ZHX2: variants seen among roughly 807,000 people sequenced by gnomAD.
The protein encoded by ZHX2 is zinc fingers and homeoboxes protein 2.
ZHX2 carries 6 observed loss-of-function variants against 21.9 expected under a neutral mutation model. The ratio of observed to expected loss-of-function variants is 0.27; its 90% CI spans 0.15 to 0.54. The LOEUF (loss-of-function observed/expected upper bound fraction) is 0.54, where lower values mean the gene tolerates loss of function less well. Ranked by LOEUF, ZHX2 falls within the 20% of genes least tolerant of loss-of-function variation. The pLI, the probability that ZHX2 is intolerant of heterozygous loss-of-function variation, is 0.95. For synonymous variants in ZHX2, 434 were observed against 437.1 expected, an observed-to-expected ratio of 0.99 and a Z score of 0.09; for missense variants, 908 against 1,090.7, an observed-to-expected ratio of 0.83 and a Z score of 2.36.
intron 2 of ZHX2, among the ~76,000 whole-genome samples, chr8:122,919,007 C>G (rs1563583484): frequency 1.3e-5 from 2 of 152,106 alleles, no homozygotes; most frequent in South Asian, 4.1e-4. Context: ...TTGCCAACCC[C>G]TGTCCCAAAC....
At chr8:122,877,688 G>A (rs985138875) in intron 2 of ZHX2, among the ~76,000 whole-genome samples, 3 of 152,172 alleles carry the variant, frequency 2.0e-5, no homozygotes, top group Non-Finnish European at 2.9e-5. Flanking sequence ...GGCCTGTCCC[G>A]GGGAAGTGGC....
chr8:122,882,409 G>T (rs1218533884), intron 2 of ZHX2, among the ~76,000 whole-genome samples: 1 of 151,210 alleles, frequency 6.6e-6, no homozygotes, highest in Non-Finnish European at 1.5e-5. Context: ...GTGGTTCTTT[G>T]CCTCTACTCT....
chr8:122,914,093 G>A (rs753018737), intron 2 of ZHX2, among the ~76,000 whole-genome samples: 2 of 152,232 alleles, frequency 1.3e-5, no homozygotes, highest in Admixed American at 1.3e-4. Flanking sequence ...GGAACCCCAA[G>A]AGAAAAGATC....
chr8:122,928,164 C>G (rs116051265), intron 2 of ZHX2, among the ~76,000 whole-genome samples: 4,871 of 152,216 alleles, frequency 0.032, 242 homozygotes, highest in African/African-American at 0.11. Flanking sequence ...TTTATCTCCC[C>G]CACTCCCACC....
intron 2 of ZHX2, among the ~76,000 whole-genome samples, chr8:122,950,976 A>G (rs963202920): frequency 2.0e-5 from 3 of 152,134 alleles, no homozygotes; most frequent in African/African-American, 7.2e-5. Context: ...CAAGCACACC[A>G]TCTGCGACTC....
intron 2 of ZHX2, among the ~76,000 whole-genome samples, chr8:122,874,683 A>G (rs112739999): frequency 6.6e-6 from 1 of 152,178 alleles, no homozygotes; most frequent in Non-Finnish European, 1.5e-5. Flanking sequence ...CCATTTTACC[A>G]CTGAGAAAAC....
intron 1 of ZHX2, among the ~76,000 whole-genome samples, chr8:122,800,229 T>C (rs1817691377): frequency 6.6e-6 from 1 of 152,206 alleles, no homozygotes; most frequent in African/African-American, 2.4e-5. Flanking sequence ...AGTCAGCTTG[T>C]CCTGCAGTTC....
intron 1 of ZHX2, among the ~76,000 whole-genome samples, chr8:122,810,221 G>A (rs575147539): frequency 7.9e-5 from 12 of 152,354 alleles, no homozygotes; most frequent in South Asian, 2.1e-4. Context: ...ATGAGCTGCA[G>A]TGACACATAA....
At chr8:122,934,840 C>A (rs1238037146) in intron 2 of ZHX2, among the ~76,000 whole-genome samples, 1 of 152,176 alleles carries the variant, frequency 6.6e-6, no homozygotes, top group African/African-American at 2.4e-5. Context: ...AGGCATGCAC[C>A]ACCATGCCTG....
intron 1 of ZHX2, among the ~76,000 whole-genome samples, chr8:122,805,178 A>G (rs1399278877): frequency 6.6e-6 from 1 of 152,176 alleles, no homozygotes; most frequent in African/African-American, 2.4e-5. Context: ...TGGGGCAGCA[A>G]GTGGGACCTG....
At chr8:122,954,427 C>G (rs541346696) in intron 3 of ZHX2, among the ~76,000 whole-genome samples, 1 of 152,298 alleles carries the variant, frequency 6.6e-6, no homozygotes, top group South Asian at 2.1e-4. Context: ...CCCCCCTCAG[C>G]TTATCAAGTA....
At chr8:122,887,711 G>A (rs1325310338) in intron 2 of ZHX2, among the ~76,000 whole-genome samples, 5 of 151,882 alleles carry the variant, frequency 3.3e-5, no homozygotes, top group Admixed American at 6.6e-5. Flanking sequence ...AGGAGCCCCC[G>A]GAAAAGGGCA....
chr8:122,808,263 T>C (rs1817860673), intron 1 of ZHX2, among the ~76,000 whole-genome samples: 1 of 152,188 alleles, frequency 6.6e-6, no homozygotes, highest in African/African-American at 2.4e-5. Context: ...CTTAGCCCAT[T>C]CTCATGCTGC....
At chr8:122,961,720 T>C (rs1269266306) in intron 3 of ZHX2, among the ~76,000 whole-genome samples, 1 of 152,088 alleles carries the variant, frequency 6.6e-6, no homozygotes, top group African/African-American at 2.4e-5. Context: ...GGAGAACAGC[T>C]TGGGGGAAAC....
At chr8:122,940,694 C>T (rs188300678) in intron 2 of ZHX2, among the ~76,000 whole-genome samples, 1 of 152,318 alleles carries the variant, frequency 6.6e-6, no homozygotes, top group East Asian at 1.9e-4. Context: ...CTCCTTTGAA[C>T]ACTCCCAGAG....
At chr8:122,972,477 T>A (rs1031395172) in intron 3 of ZHX2, among the ~76,000 whole-genome samples, 5 of 152,334 alleles carry the variant, frequency 3.3e-5, no homozygotes, top group African/African-American at 1.2e-4. Flanking sequence ...AGCTGTGTGA[T>A]CTTGGGAAAC....
intron 1 of ZHX2, among the ~76,000 whole-genome samples, chr8:122,836,234 G>A (rs990824255): frequency 2.6e-5 from 4 of 152,150 alleles, no homozygotes; most frequent in Non-Finnish European, 5.9e-5. Context: ...TTGGATTTTT[G>A]GACCAGAGAA....
chr8:122,877,824 A>C (rs528755457), intron 2 of ZHX2, among the ~76,000 whole-genome samples: 1 of 152,358 alleles, frequency 6.6e-6, no homozygotes, highest in East Asian at 1.9e-4. Context: ...TATGGACTGC[A>C]TTTGGAGAAG....
chr8:122,867,076 C>T (rs748198667), intron 2 of ZHX2, among the ~76,000 whole-genome samples: 13 of 151,934 alleles, frequency 8.6e-5, no homozygotes, highest in Non-Finnish European at 1.6e-4. Flanking sequence ...TCAAGTGATC[C>T]GCCCACCTCA....
Sources: allele counts gnomAD v4.1 joint callset (sites outside exome capture counted in the v4.1 genomes callset), GRCh38; gene constraint gnomAD v4.1.1; transcripts MANE v1.5; gene names NCBI Gene and HGNC (gene_info 2026-07-23, HGNC 2026-07-21).